Variants in LDB2 observed in about 807,000 individuals in gnomAD.
The protein encoded by LDB2 is LIM domain binding 2.
In LDB2, 12 loss-of-function variants were observed where a neutral mutation model predicts 44.3. That is an observed-to-expected ratio of 0.27 (90% confidence interval 0.17 to 0.44). The LOEUF (loss-of-function observed/expected upper bound fraction) is 0.44. Among genes scored for constraint, LDB2 ranks in the 20% least tolerant of loss-of-function variants. The pLI, the probability that LDB2 is intolerant of heterozygous loss-of-function variation, is 1.00. For synonymous variants in LDB2, 164 were observed against 174.8 expected (o/e 0.94, Z 0.49); for missense variants, 344 against 473.5 (o/e 0.73, Z 2.54).
At chr4:16,843,382 A>G (rs1013971484) in intron 1 of LDB2, among the ~76,000 whole-genome samples, 1 of 152,200 alleles carries the variant, frequency 6.6e-6, no homozygotes, top group African/African-American at 2.4e-5. Context: ...CAGTCTCCAA[A>G]GACTAGAGCC....
At position 16,569,709 on chromosome 4, in the gene LDB2, C is replaced by CA. The variant is rs571254659; in HGVS notation, c.615+16212dup. On this transcript the variant is annotated intron_variant, in intron 5 of 7. Coordinates refer to ENST00000304523, the MANE Select transcript of LDB2 (RefSeq NM_001290.5). ...ATCCATCCATCCAGCTGCTTGGCGT[C>CA]AGTTTCCTCATTTGCAGCATGGTAT... Among the ~76,000 whole-genome samples, 126 of 152,280 alleles carry CA rather than the reference C, an allele frequency of 8.3e-4. No individual in the cohort carries two copies. The East Asian group carries it at 0.022, about 27-fold the overall frequency.
intron 1 of LDB2, among the ~76,000 whole-genome samples, chr4:16,770,335 C>T (rs1265034079): frequency 6.6e-6 from 1 of 151,938 alleles, no homozygotes; most frequent in East Asian, 1.9e-4. Flanking sequence ...TAACTAAAAC[C>T]CAGCATATTC....
intron 1 of LDB2, among the ~76,000 whole-genome samples, chr4:16,769,834 G>A (rs1479905549): frequency 6.6e-6 from 1 of 152,104 alleles, no homozygotes; most frequent in African/African-American, 2.4e-5. Context: ...CTTTTAGAAG[G>A]TGCTCACTAT....
chr4:16,510,101 A>G (rs752438634), intron 6 of LDB2, among the ~76,000 whole-genome samples: 2 of 152,138 alleles, frequency 1.3e-5, no homozygotes, highest in Non-Finnish European at 2.9e-5. Flanking sequence ...GTGACAGAGC[A>G]AGACCATGTC....
intron 2 of LDB2, among the ~76,000 whole-genome samples, chr4:16,708,460 C>T (rs1307193631): frequency 6.6e-6 from 1 of 152,100 alleles, no homozygotes; most frequent in Non-Finnish European, 1.5e-5. Context: ...CCATATTGCC[C>T]CTGGACATGT....
chr4:16,722,111 A>C (rs1012386548), intron 2 of LDB2, among the ~76,000 whole-genome samples: 2 of 152,180 alleles, frequency 1.3e-5, no homozygotes, highest in Non-Finnish European at 2.9e-5. Flanking sequence ...AAATTATGGA[A>C]CTTCTCTGGG....
At chr4:16,874,589 C>T (rs73129873) in intron 1 of LDB2, among the ~76,000 whole-genome samples, 3,713 of 152,242 alleles carry the variant, frequency 0.024, 61 homozygotes, top group Middle Eastern at 0.061. Context: ...AGGGAGAGTG[C>T]GCATCCAACA....
intron 1 of LDB2, among the ~76,000 whole-genome samples, chr4:16,885,056 A>G (rs1721236913): frequency 6.6e-6 from 1 of 152,008 alleles, no homozygotes; most frequent in African/African-American, 2.4e-5. Flanking sequence ...ATTTTTAAAA[A>G]GCATATTACT....
chr4:16,516,803 C>T (rs546224689), intron 5 of LDB2, among the ~76,000 whole-genome samples: 4 of 152,290 alleles, frequency 2.6e-5, no homozygotes, highest in Middle Eastern at 6.8e-3. Flanking sequence ...ATCTTCCCAT[C>T]GCTGTAACCC....
chr4:16,601,789 C>A (rs963833335), intron 2 of LDB2, among the ~76,000 whole-genome samples: 9 of 152,116 alleles, frequency 5.9e-5, no homozygotes, highest in Admixed American at 5.2e-4. Context: ...AAACTTTAAA[C>A]TTATCTGTAT....
chr4:16,581,912 C>T (rs890991251), intron 5 of LDB2, among the ~76,000 whole-genome samples: 10 of 101,762 alleles, frequency 9.8e-5, no homozygotes, highest in Non-Finnish European at 2.0e-4. Context: ...AAAAGAAAGA[C>T]GAAGGAAAGA....
chr4:16,607,757 G>A (rs761016448), intron 2 of LDB2, among the ~76,000 whole-genome samples: 4 of 152,112 alleles, frequency 2.6e-5, no homozygotes, highest in African/African-American at 4.8e-5. Context: ...GGCAGAGAAC[G>A]TTTCTTGATC....
intron 1 of LDB2, among the ~76,000 whole-genome samples, chr4:16,789,950 CAA>C (rs1278276091): frequency 6.6e-6 from 1 of 152,116 alleles, no homozygotes; most frequent in Admixed American, 6.5e-5. Context: ...AACAAACAAA[CAA>C]AAACCCTATG....
At chr4:16,688,447 A>G (rs1560885852) in intron 2 of LDB2, among the ~76,000 whole-genome samples, 1 of 152,232 alleles carries the variant, frequency 6.6e-6, no homozygotes, top group African/African-American at 2.4e-5. Flanking sequence ...CTGTCCATGC[A>G]CTGGACACAT....
At chr4:16,862,974 G>C (rs1713224497) in intron 1 of LDB2, among the ~76,000 whole-genome samples, 2 of 152,290 alleles carry the variant, frequency 1.3e-5, no homozygotes, top group East Asian at 3.9e-4. Context: ...AGTCAGCTGA[G>C]TAAGGGCGCC....
In LDB2 at chr4:16,800,883, G is replaced by A. The variant is rs62296629; in HGVS notation, c.133-41623C>T. On this transcript the variant is annotated intron_variant, in intron 1 of 7. Transcript: ENST00000304523. ...CTAGAGACAGGGTTTCACCGTGTTA[G>A]CCAGGATGGTCTCGATCTCCTCACC... 8.3e-3 allele frequency among the ~76,000 whole-genome samples: 1,258 copies of A among 152,296 alleles called. 7 individuals are homozygous for A. The highest frequency in any genetic ancestry group is 0.015 in the Non-Finnish European group (1,013 of 68,026).
intron 5 of LDB2, among the ~76,000 whole-genome samples, chr4:16,532,802 T>G (rs1278464374): frequency 2.0e-5 from 3 of 152,204 alleles, no homozygotes; most frequent in Non-Finnish European, 4.4e-5. Flanking sequence ...TAGCATCTTG[T>G]GGTAACTGAT....
At chr4:16,757,138 G>A (rs982228071) in intron 2 of LDB2, among the ~76,000 whole-genome samples, 4 of 152,262 alleles carry the variant, frequency 2.6e-5, no homozygotes, top group South Asian at 4.2e-4. Flanking sequence ...AGGTACCAGC[G>A]CCTGAGCTCA....
intron 1 of LDB2, among the ~76,000 whole-genome samples, chr4:16,854,843 G>T (rs1428728721): frequency 6.6e-6 from 1 of 151,716 alleles, no homozygotes; most frequent in East Asian, 1.9e-4. Context: ...ATACACTGTG[G>T]CATTTTACTA....
Sources: gnomAD v4.1 joint callset for allele counts (sites outside exome capture counted in the v4.1 genomes callset) on GRCh38, gnomAD v4.1.1 for gene constraint, MANE v1.5 for transcripts, NCBI Gene and HGNC (gene_info 2026-07-23, HGNC 2026-07-21) for gene names.